FMNL2: variants seen among roughly 807,000 people sequenced by gnomAD.
FMNL2 encodes the protein formin like 2, also known as formin-like protein 2.
In FMNL2, 51 loss-of-function variants were observed where a neutral mutation model predicts 130.2. That is an observed-to-expected ratio of 0.39 (90% CI 0.31 to 0.49). The LOEUF (loss-of-function observed/expected upper bound fraction) is 0.49, where lower values mean the gene tolerates loss of function less well. FMNL2 is among the 20% of genes least tolerant of loss of function. The pLI is 0.85. For synonymous variants in FMNL2, 465 were observed against 467.1 expected (o/e 1.00, Z 0.06); for missense variants, 977 against 1,316.2 (o/e 0.74, Z 3.99).
At chr2:152,400,917 C>T (rs1361919023) in intron 1 of FMNL2, among the ~76,000 whole-genome samples, 1 of 152,234 alleles carries the variant, frequency 6.6e-6, no homozygotes, top group Non-Finnish European at 1.5e-5. Context: ...CACGTGTATC[C>T]TGCCCAAACC....
intron 1 of FMNL2, among the ~76,000 whole-genome samples, chr2:152,423,360 AGGTAAATAGATT>A (rs1012773986): frequency 6.6e-6 from 1 of 152,242 alleles, no homozygotes; most frequent in Non-Finnish European, 1.5e-5. Context: ...AGCATAGAAA[AGGTAAATAGATT>A]GGCCAGTGTC....
At chr2:152,489,827 A>G (rs963433796) in intron 1 of FMNL2, among the ~76,000 whole-genome samples, 4 of 152,210 alleles carry the variant, frequency 2.6e-5, no homozygotes, top group Admixed American at 2.0e-4. Flanking sequence ...CCTGCCAAAG[A>G]TTTCACATCC....
At chr2:152,542,647 A>G (rs576792109) in intron 2 of FMNL2, 92 bp from the exon 3 acceptor site, 17 of 1,267,926 alleles carry the variant, frequency 1.3e-5, no homozygotes, top group East Asian at 9.3e-5. Flanking sequence ...CTGTGGATGC[A>G]TTTTGGTCAT....
intron 1 of FMNL2, among the ~76,000 whole-genome samples, chr2:152,511,933 C>T (rs1692514976): frequency 6.6e-6 from 1 of 152,142 alleles, no homozygotes; most frequent in Admixed American, 6.5e-5. Context: ...CTTCAGTTAT[C>T]AAATTGAGTT....
At chr2:152,643,601 C>A (rs1008377923) in intron 25 of FMNL2, 20 of 1,516,102 alleles carry the variant, frequency 1.3e-5, no homozygotes, top group Non-Finnish European at 1.8e-5. Context: ...TCAGGGCCCA[C>A]CAACATGCTA....
At chr2:152,646,330 A>C (rs1683559740) in intron 25 of FMNL2, among the ~76,000 whole-genome samples, 1 of 47,598 alleles carries the variant, frequency 2.1e-5, no homozygotes, top group Admixed American at 3.0e-4. Flanking sequence ...TCCTCCCCTC[A>C]CAACCCCCGC....
At chr2:152,460,166 T>C (rs1227369465) in intron 1 of FMNL2, among the ~76,000 whole-genome samples, 4 of 152,328 alleles carry the variant, frequency 2.6e-5, no homozygotes, top group Middle Eastern at 3.4e-3. Flanking sequence ...AGTGGGCATA[T>C]TATGTTCATT....
chr2:152,407,820 C>T (rs982703942), intron 1 of FMNL2, among the ~76,000 whole-genome samples: 3 of 152,136 alleles, frequency 2.0e-5, no homozygotes, highest in African/African-American at 4.8e-5. Flanking sequence ...CTAGGCTGAG[C>T]AAATTAATCA....
At chr2:152,546,536 G>A (rs1160368932) in intron 3 of FMNL2, among the ~76,000 whole-genome samples, 1 of 152,092 alleles carries the variant, frequency 6.6e-6, no homozygotes, top group African/African-American at 2.4e-5. Context: ...CTCCAACATT[G>A]GAGGTCCTAT....
rs1356945178 is a variant in FMNL2 at position 152,335,560 on chromosome 2, C to A, written c.-44C>A. On this transcript the variant is annotated 5_prime_UTR_variant, in exon 1 of 26. Transcript: ENST00000288670. The stretch of plus-strand genomic sequence containing the variant: ...GAGCTGTTCTGATTTCCGACGCGCA[C>A]GCTAGGGGCCCGGAGCAGCCCCCGG... 6.6e-7 allele frequency: 1 copy of A among 1,518,854 alleles called. No individual in the cohort carries two copies. The highest frequency in any genetic ancestry group is 1.2e-5 in the South Asian group (1 of 85,926). 94.1% of individuals were successfully genotyped at this position (1,518,854 alleles called of 1,614,324 possible). A position where few individuals can be genotyped will look rare whatever the true frequency, so the allele number is the denominator to read the frequency against.
intron 1 of FMNL2, among the ~76,000 whole-genome samples, chr2:152,515,964 T>G (rs1473901903): frequency 6.6e-6 from 1 of 152,196 alleles, no homozygotes; most frequent in Non-Finnish European, 1.5e-5. Context: ...AGATCACCCG[T>G]AATTAGTAGA....
At chr2:152,606,833 A>G (rs1432214360) in intron 9 of FMNL2, among the ~76,000 whole-genome samples, 1 of 151,904 alleles carries the variant, frequency 6.6e-6, no homozygotes, top group Non-Finnish European at 1.5e-5. Flanking sequence ...AAATGGGTTA[A>G]TATAGCTTCC....
chr2:152,338,291 G>A (rs1255116884), intron 1 of FMNL2, among the ~76,000 whole-genome samples: 8 of 152,122 alleles, frequency 5.3e-5, no homozygotes, highest in Admixed American at 6.5e-5. Flanking sequence ...AAGTGTCTAA[G>A]CACCTCATTG....
At chr2:152,608,600 T>C (rs576749639) in intron 10 of FMNL2, among the ~76,000 whole-genome samples, 1 of 150,774 alleles carries the variant, frequency 6.6e-6, no homozygotes, top group Non-Finnish European at 1.5e-5. Context: ...TACACACACA[T>C]ATATGAAACA....
At chr2:152,409,376 A>G (rs548011550) in intron 1 of FMNL2, among the ~76,000 whole-genome samples, 1 of 152,292 alleles carries the variant, frequency 6.6e-6, no homozygotes, top group Non-Finnish European at 1.5e-5. Flanking sequence ...GGAGAAAGGT[A>G]ATAAAATCAT....
intron 1 of FMNL2, chr2:152,390,703 C>T (rs569475231): frequency 9.5e-6 from 7 of 739,314 alleles, no homozygotes; most frequent in South Asian, 8.5e-5. Context: ...TCCCACTCTT[C>T]TCTGGCCCTT....
intron 1 of FMNL2, among the ~76,000 whole-genome samples, chr2:152,521,675 G>A (rs974143402): frequency 1.3e-5 from 2 of 152,144 alleles, no homozygotes; most frequent in African/African-American, 4.8e-5. Flanking sequence ...AAGCGACAAG[G>A]CATCACCTTT....
chr2:152,626,076 C>T (rs1171971114), intron 16 of FMNL2, among the ~76,000 whole-genome samples: 1 of 152,006 alleles, frequency 6.6e-6, no homozygotes, highest in African/African-American at 2.4e-5. Context: ...CTCACTCTGT[C>T]GCCCAGGCTG....
At chr2:152,546,995 G>C (rs914921628) in intron 3 of FMNL2, among the ~76,000 whole-genome samples, 1 of 150,906 alleles carries the variant, frequency 6.6e-6, no homozygotes, top group African/African-American at 2.4e-5. Flanking sequence ...ACCCCGGATG[G>C]AGTGCAGTGG....
Sources: gnomAD v4.1 joint callset for allele counts (sites outside exome capture counted in the v4.1 genomes callset) on GRCh38, gnomAD v4.1.1 for gene constraint, MANE v1.5 for transcripts, NCBI Gene and HGNC (gene_info 2026-07-23, HGNC 2026-07-21) for gene names.